Variants in LRRN3 observed in about 807,000 individuals in gnomAD.
LRRN3 encodes the protein leucine-rich repeat neuronal protein 3.
In LRRN3, 15 loss-of-function variants were observed where a neutral mutation model predicts 40.1. That is an observed-to-expected ratio of 0.37 (90% CI 0.25 to 0.58). The LOEUF is 0.58. Among genes scored for constraint, LRRN3 ranks in the 20% least tolerant of loss-of-function variants. LRRN3 has a pLI of 0.72. For synonymous variants in LRRN3, 308 were observed against 297.2 expected, an observed-to-expected ratio of 1.04 and a Z score of -0.37; for missense variants, 746 against 837.7, an observed-to-expected ratio of 0.89 and a Z score of 1.35.
At chr7:111,109,911 G>A (rs900720651) in intron 2 of LRRN3, among the ~76,000 whole-genome samples, 5 of 152,124 alleles carry the variant, frequency 3.3e-5, no homozygotes, top group Admixed American at 1.3e-4. Context: ...CAAGGTGGGC[G>A]GATCACAAGG....
At chr7:111,110,457 T>C (rs1799071704) in intron 2 of LRRN3, among the ~76,000 whole-genome samples, 1 of 152,178 alleles carries the variant, frequency 6.6e-6, no homozygotes, top group South Asian at 2.1e-4. Context: ...ATCACAAATA[T>C]AGATTATATC....
intron 1 of LRRN3, among the ~76,000 whole-genome samples, chr7:111,098,636 CATT>C (rs1797649337): frequency 6.6e-6 from 1 of 151,746 alleles, no homozygotes. Flanking sequence ...CTGTGCCAAA[CATT>C]ATGCTAAGCA....
chr7:111,116,040 A>G (rs944341502), intron 2 of LRRN3, among the ~76,000 whole-genome samples: 2 of 152,198 alleles, frequency 1.3e-5, no homozygotes, highest in Non-Finnish European at 2.9e-5. Flanking sequence ...AAACAAGAGA[A>G]GAAAAAAGAT....
rs1213672553 is a variant in LRRN3, at chr7:111,091,503, A to C, written c.-442A>C. 1 of 152,234 alleles carries C rather than the reference A, an allele frequency of 6.6e-6. No homozygotes were observed. The highest frequency in any genetic ancestry group is 1.5e-5 in the Non-Finnish European group (1 of 68,046). The allele number at this position is 152,234 out of a possible 1,614,324, so 9.4% of individuals were successfully genotyped here. On this transcript the variant is annotated splice_region_variant and 5_prime_UTR_variant, in exon 1 of 3. Coordinates refer to ENST00000308478, the MANE Select transcript of LRRN3 (RefSeq NM_001099658.2). ...GGGCTAGCACTGAAACTGCTTTTCA[A>C]GGTAAGTTTAAAATACACATATATT...
intron 2 of LRRN3, among the ~76,000 whole-genome samples, chr7:111,111,749 A>G (rs2129583850): frequency 6.6e-6 from 1 of 152,068 alleles, no homozygotes; most frequent in South Asian, 2.1e-4. Flanking sequence ...GTAGTCCTAC[A>G]TAATTAGCTT....
rs1193346530 is a variant in LRRN3 at position 111,124,559 on chromosome 7, C to T, written c.1787C>T (p.Pro596Leu). The T allele has an allele frequency of 5.0e-6, 8 of 1,613,418 alleles. No homozygotes were observed. The highest frequency in any genetic ancestry group is 6.8e-6 in the Non-Finnish European group (8 of 1,179,676). Residue 596 changes from proline (P) to leucine (L), a missense_variant, in exon 3 of 3, where the codon CCC (proline) becomes CTC (leucine). Physicochemically the swap from Pro to Leu is moderately conservative, Grantham distance 98. Transcript: ENST00000308478. ...STEYKICIDI[P>L]TIYQKNRKKC... ...GAGTATAAAATTTGTATTGATATTC[C>T]CACCATCTATCAGAAAAACAGAAAA...
Position 111,122,739 on chromosome 7 carries a change from A to G in LRRN3, c.-34A>G, listed in dbSNP as rs1487902018. The G allele has an allele frequency of 3.9e-6, 6 of 1,525,662 alleles. No homozygotes were observed. The highest frequency in any genetic ancestry group is 1.4e-5 in the African/African-American group (1 of 72,746). The allele number at this position is 1,525,662 out of a possible 1,614,324, so 94.5% of individuals were successfully genotyped here. A position where few individuals can be genotyped will look rare whatever the true frequency, so the allele number is the denominator to read the frequency against. On this transcript the variant is annotated 5_prime_UTR_variant, in exon 3 of 3. Coordinates refer to ENST00000308478, the MANE Select transcript of LRRN3 (RefSeq NM_001099658.2). Reference sequence around the variant, plus strand: ...ACTAGCACTGACTGTGGAATCCTTAAGGGCCCATTACATTTCTGAAGAAGA... The same window carrying G: ...ACTAGCACTGACTGTGGAATCCTTAGGGGCCCATTACATTTCTGAAGAAGA...
At position 111,124,504 on chromosome 7, in the gene LRRN3, T is replaced by G; in HGVS notation, c.1732T>G (p.Tyr578Asp). The change falls in exon 3 of 3, where the codon TAT becomes GAT. Residue 578 changes from tyrosine to aspartate, a missense_variant. Tyr to Asp is a radical substitution (Grantham distance 160). Coordinates refer to ENST00000308478, the MANE Select transcript of LRRN3 (RefSeq NM_001099658.2). The part of the protein sequence containing the change: ...SARIPSDVKV[Y>D]NLTHLNPSTE... ...TCGAATACCATCTGATGTCAAGGTATATAATCTTACTCATCTGAATCCATC... is the reference window on the plus strand; with the variant it reads ...TCGAATACCATCTGATGTCAAGGTAGATAATCTTACTCATCTGAATCCATC... 1 of 1,613,846 alleles carries G rather than the reference T, an allele frequency of 6.2e-7. No individual in the cohort carries two copies. The highest frequency in any genetic ancestry group is 2.2e-5 in the East Asian group (1 of 44,848).
At chr7:111,097,335 GTAGA>G (rs1455294265) in intron 1 of LRRN3, 1 of 151,826 alleles carries the variant, frequency 6.6e-6, no homozygotes, top group Non-Finnish European at 1.5e-5. Context: ...ATGAATAATA[GTAGA>G]TATTTTAACT....
intron 2 of LRRN3, among the ~76,000 whole-genome samples, chr7:111,111,658 TC>T (rs983456033): frequency 1.3e-5 from 2 of 151,266 alleles, no homozygotes; most frequent in African/African-American, 2.4e-5. Flanking sequence ...TCAACTAATG[TC>T]CCCCCCTGCG....
intron 1 of LRRN3, among the ~76,000 whole-genome samples, chr7:111,093,981 C>T (rs753704776): frequency 6.6e-6 from 1 of 152,054 alleles, no homozygotes; most frequent in South Asian, 2.1e-4. Context: ...GCTTAATAAA[C>T]GGTGCTACCA....
rs115475441 is a variant in LRRN3 at position 111,103,616 on chromosome 7, A to G, written c.-359+3654A>G. Among the ~76,000 whole-genome samples, 137 of 151,748 alleles carry G rather than the reference A, an allele frequency of 9.0e-4. 1 individual carries two copies. The highest frequency in any genetic ancestry group is 3.1e-3 in the African/African-American group (130 of 41,482). On this transcript the variant is annotated intron_variant, in intron 2 of 2. Transcript: ENST00000308478. ...TTGTTCTGTCATTTCTCCTGTTCCAATATTTTCACCTGTAAGTTTAAGTTA... is the reference window on the plus strand; with the variant it reads ...TTGTTCTGTCATTTCTCCTGTTCCAGTATTTTCACCTGTAAGTTTAAGTTA...
chr7:111,111,674 T>G (rs577631850), intron 2 of LRRN3, among the ~76,000 whole-genome samples: 1 of 151,830 alleles, frequency 6.6e-6, no homozygotes, highest in African/African-American at 2.4e-5. Flanking sequence ...CCTGCGTCAA[T>G]AGTAATTTTA....
chr7:111,115,518 C>G (rs556563231), intron 2 of LRRN3, among the ~76,000 whole-genome samples: 6 of 152,078 alleles, frequency 3.9e-5, no homozygotes, highest in African/African-American at 1.4e-4. Flanking sequence ...TTTCATCCCC[C>G]CCTCTGTAAA....
At chr7:111,116,453 T>C (rs1799888917) in intron 2 of LRRN3, among the ~76,000 whole-genome samples, 1 of 152,192 alleles carries the variant, frequency 6.6e-6, no homozygotes, top group Non-Finnish European at 1.5e-5. Context: ...CCATTAAATA[T>C]ATGGGTATAC....
At chr7:111,117,023 ACT>A (rs1799959014) in intron 2 of LRRN3, among the ~76,000 whole-genome samples, 1 of 152,082 alleles carries the variant, frequency 6.6e-6, no homozygotes, top group Admixed American at 6.5e-5. Context: ...GATTAAAGTA[ACT>A]CTCTAGTTTG....
chr7:111,104,138 T>A (rs984683962), intron 2 of LRRN3, among the ~76,000 whole-genome samples: 2 of 151,702 alleles, frequency 1.3e-5, no homozygotes, highest in African/African-American at 4.8e-5. Context: ...GAAAGGCAAA[T>A]TTGCTGGAGG....
chr7:111,119,300 C>A (rs1218584103), intron 2 of LRRN3, among the ~76,000 whole-genome samples: 1 of 152,234 alleles, frequency 6.6e-6, no homozygotes. Flanking sequence ...GGGGTATATG[C>A]TCCCAAATGA....
Position 111,123,556 on chromosome 7 carries a change from CT to C in LRRN3, c.785del (p.Leu262ProfsTer6). ...TGTTGCTCTTCAAAAAGTTGTAAAT[CT>C]CAAATTTTTGGATCTAAATAAAAAT... ...PHVALQKVVN[L>X]KFLDLNKNPI... On this transcript the variant is annotated frameshift_variant, in exon 3 of 3. Coordinates refer to ENST00000308478, the MANE Select transcript of LRRN3 (RefSeq NM_001099658.2). LOFTEE classifies it high-confidence loss of function. This position sits in a 1 kb window ranked among gnomAD's most constrained non-coding sequence, Gnocchi z 6.4. 6.2e-7 allele frequency: 1 copy of C among 1,613,704 alleles called. No homozygotes were observed. The highest frequency in any genetic ancestry group is 8.5e-7 in the Non-Finnish European group (1 of 1,179,852).
Sources: gnomAD v4.1 joint callset for allele counts (sites outside exome capture counted in the v4.1 genomes callset) on GRCh38, gnomAD v4.1.1 for gene constraint, Gnocchi (gnomAD v3.1) non-coding constraint, MANE v1.5 for transcripts, NCBI Gene and HGNC (gene_info 2026-07-23, HGNC 2026-07-21) for gene names.